Variants in ADRA1B observed in about 807,000 individuals in gnomAD.
The protein encoded by ADRA1B is alpha-1B adrenergic receptor.
Under a neutral mutation model 17.9 loss-of-function variants are expected in ADRA1B, and 17 were observed. The ratio of observed to expected loss-of-function variants is 0.95; its 90% CI spans 0.65 to 1.42. The LOEUF is 1.42. Among genes scored for constraint, ADRA1B ranks in the 40% most tolerant of loss-of-function variants. The pLI, the probability that ADRA1B is intolerant of heterozygous loss-of-function variation, is 0.00. For synonymous variants in ADRA1B, 366 were observed against 327.6 expected (o/e 1.12, Z -1.27); for missense variants, 681 against 722.1 (o/e 0.94, Z 0.65).
At chr5:159,882,981 G>A (rs1463253405) in intron 1 of ADRA1B, among the ~76,000 whole-genome samples, 2 of 152,158 alleles carry the variant, frequency 1.3e-5, no homozygotes, top group Non-Finnish European at 2.9e-5. Flanking sequence ...TCCTAGGAGA[G>A]GGAGACAGAC....
intron 1 of ADRA1B, among the ~76,000 whole-genome samples, chr5:159,946,774 T>C (rs536153989): frequency 6.6e-6 from 1 of 152,346 alleles, no homozygotes; most frequent in East Asian, 1.9e-4. Context: ...TACATAAACA[T>C]GGCATAGATT....
intron 1 of ADRA1B, among the ~76,000 whole-genome samples, chr5:159,879,733 C>A (rs150825609): frequency 6.6e-6 from 1 of 152,156 alleles, no homozygotes; most frequent in Admixed American, 6.5e-5. Flanking sequence ...TAGTGGCTCA[C>A]GCATATAATC....
At chr5:159,951,563 A>G (rs1755441461) in intron 1 of ADRA1B, 3 of 536,684 alleles carry the variant, frequency 5.6e-6, no homozygotes, top group Non-Finnish European at 1.0e-5. Flanking sequence ...CGGGAGGAGC[A>G]GAGAGCCCCT....
chr5:159,903,625 G>A (rs1299489163), intron 1 of ADRA1B, among the ~76,000 whole-genome samples: 1 of 152,120 alleles, frequency 6.6e-6, no homozygotes. Context: ...AAATTATTCT[G>A]GCAACTCCCG....
chr5:159,909,757 A>T (rs1229683052), intron 1 of ADRA1B, among the ~76,000 whole-genome samples: 1 of 152,228 alleles, frequency 6.6e-6, no homozygotes, highest in Non-Finnish European at 1.5e-5. Flanking sequence ...ATTGCCCAAA[A>T]GTGAAAGAGG....
At chr5:159,931,905 C>T (rs1754816165) in intron 1 of ADRA1B, among the ~76,000 whole-genome samples, 3 of 152,234 alleles carry the variant, frequency 2.0e-5, no homozygotes, top group African/African-American at 7.2e-5. Context: ...AACAACACTG[C>T]ACTGGGGATT....
the ADRA1B span, among the ~76,000 whole-genome samples, chr5:159,981,559 G>A: frequency 7.2e-5 from 11 of 152,044 alleles, no homozygotes; most frequent in Non-Finnish European, 1.3e-4. Context: ...GCAGTGACGC[G>A]ATCTCGGCTC....
chr5:159,913,946 C>A (rs1332986902), upstream of ADRA1B, among the ~76,000 whole-genome samples: 2 of 152,118 alleles, frequency 1.3e-5, no homozygotes, highest in Non-Finnish European at 2.9e-5. Flanking sequence ...TACTGGTATT[C>A]TCTTCCTCCT....
At chr5:159,984,531 C>A in the ADRA1B span, among the ~76,000 whole-genome samples, 356 of 152,264 alleles carry the variant, frequency 2.3e-3, 2 homozygotes, top group African/African-American at 8.0e-3. Flanking sequence ...TGCCTCCTAA[C>A]TAACCTCTGT....
At chr5:159,959,937 C>T (rs1283642634) in intron 1 of ADRA1B, among the ~76,000 whole-genome samples, 2 of 152,092 alleles carry the variant, frequency 1.3e-5, no homozygotes, top group African/African-American at 2.4e-5. Context: ...GGAAGATTAG[C>T]GTTTCGATCA....
chr5:159,866,844 T>A (rs1753660897), intron 1 of ADRA1B: 1 of 151,990 alleles, frequency 6.6e-6, no homozygotes, highest in Non-Finnish European at 1.5e-5. Context: ...CAAATTTTGA[T>A]GAAAAAAATG....
chr5:159,978,219 ACCTG>A, the ADRA1B span, among the ~76,000 whole-genome samples: 13 of 152,144 alleles, frequency 8.5e-5, no homozygotes, highest in Non-Finnish European at 1.5e-4. Flanking sequence ...TTCATGTAGT[ACCTG>A]ACACATTGCA....
chr5:159,955,357 G>A (rs550675718), intron 1 of ADRA1B: 7 of 195,676 alleles, frequency 3.6e-5, no homozygotes, highest in African/African-American at 1.7e-4. Context: ...TATCAGTTTG[G>A]ATGCAGGAAA....
rs1162106651 is a variant in ADRA1B at position 159,939,335 on chromosome 5, GCA to G, written c.949+21486_949+21487del. Among the ~76,000 whole-genome samples the G allele has an allele frequency of 8.7e-3, 1,011 of 116,528 alleles. 14 individuals carry two copies. The highest frequency in any genetic ancestry group is 0.023 in the African/African-American group (820 of 36,364). The allele number at this position is 116,528 out of a possible 152,430, so 76.4% of individuals were successfully genotyped here. On this transcript the variant is annotated intron_variant, in intron 1 of 1. Transcript: ENST00000306675. ...TGTGTGTGTGTGTGCGCGCGCGCGC[GCA>G]CACAATGCACTGAGGATAGTTCAGC...
intron 1 of ADRA1B, among the ~76,000 whole-genome samples, chr5:159,878,414 G>A (rs1753824546): frequency 2.0e-5 from 3 of 152,246 alleles, no homozygotes; most frequent in Admixed American, 2.0e-4. Context: ...TCCAGTCCAA[G>A]GAGGGAGGCT....
At chr5:159,964,626 T>C (rs1755740366) in intron 1 of ADRA1B, among the ~76,000 whole-genome samples, 1 of 152,220 alleles carries the variant, frequency 6.6e-6, no homozygotes, top group African/African-American at 2.4e-5. Flanking sequence ...ACTGATCCCC[T>C]TGAGACCATG....
intron 1 of ADRA1B, chr5:159,955,310 A>AG (rs770182883): frequency 6.2e-6 from 3 of 482,190 alleles, no homozygotes; most frequent in African/African-American, 2.1e-5. Flanking sequence ...GGTGACACAG[A>AG]GCCATCCAGG....
At chr5:159,933,579 T>C (rs1327470796) in intron 1 of ADRA1B, among the ~76,000 whole-genome samples, 2 of 152,208 alleles carry the variant, frequency 1.3e-5, no homozygotes, top group Non-Finnish European at 2.9e-5. Flanking sequence ...GCTAATTTGG[T>C]GTCAGTTTTC....
At chr5:159,916,250 C>G (rs2113142398), upstream of ADRA1B, 1 of 151,688 alleles carries the variant, frequency 6.6e-6, no homozygotes, top group East Asian at 2.0e-4. Context: ...AGCGGGCCGC[C>G]TAGGGGTGGG....
Sources: allele counts gnomAD v4.1 joint callset (sites outside exome capture counted in the v4.1 genomes callset), GRCh38; gene constraint gnomAD v4.1.1; transcripts MANE v1.5; gene names NCBI Gene and HGNC (gene_info 2026-07-23, HGNC 2026-07-21).